The following KIFAP3 variants were observed in gnomAD, a reference collection of about 807,000 sequenced individuals.
KIFAP3 encodes kinesin-associated protein 3.
Under a neutral mutation model 106.5 loss-of-function variants are expected in KIFAP3, and 68 were observed. The ratio of observed to expected loss-of-function variants is 0.64; its 90% CI spans 0.53 to 0.78. KIFAP3 has a LOEUF of 0.78. Among genes scored for constraint, KIFAP3 ranks in the 30% least tolerant of loss-of-function variants. The probability of loss-of-function intolerance (pLI) is 0.00; values close to 1 mark genes in which losing one functional copy is unlikely to be tolerated. For missense variants in KIFAP3, 780 were observed against 941.8 expected, an observed-to-expected ratio of 0.83 and a Z score of 2.25; for synonymous variants, 320 against 311.5, an observed-to-expected ratio of 1.03 and a Z score of -0.29.
chr1:169,979,764 C>G lies in KIFAP3; in HGVS notation c.1799-1581G>C, dbSNP rs1666412996. On this transcript the variant is annotated intron_variant, in intron 15 of 19. Transcript: ENST00000361580. ...AACTCTGTGACCCAGCCATTCTACT[C>G]CTACGTGTGAACCTAATGGAAATGA... 1.3e-5 allele frequency among the ~76,000 whole-genome samples: 2 copies of G among 152,076 alleles called. 1 individual carries two copies. The highest frequency in any genetic ancestry group is 4.1e-4 in the South Asian group (2 of 4,826).
intron 5 of KIFAP3, among the ~76,000 whole-genome samples, chr1:170,036,514 G>T: frequency 6.6e-6 from 1 of 152,000 alleles, no homozygotes; most frequent in East Asian, 1.9e-4. Flanking sequence ...CAGAGAACTT[G>T]AATAGTACAT....
Position 170,074,684 on chromosome 1 carries a change from C to G in KIFAP3, c.-217G>C, listed in dbSNP as rs1437317691. On this transcript the variant is annotated 5_prime_UTR_variant, in exon 1 of 20. Coordinates refer to ENST00000361580, the MANE Select transcript of KIFAP3 (RefSeq NM_014970.4). ...AAACACTGGAGCGGCCCAGACCCGC[C>G]CAGAGTCGCCTAAGCCGGGCCGTCA... The G allele has an allele frequency of 7.1e-7, 1 of 1,416,008 alleles. No homozygotes were observed. Among genetic ancestry groups the G allele is most frequent in the African/African-American group, 1.4e-5 (1 of 69,402 alleles). The allele number at this position is 1,416,008 out of a possible 1,614,324, so 87.7% of individuals were successfully genotyped here. A position where few individuals can be genotyped will look rare whatever the true frequency, so the allele number is the denominator to read the frequency against.
At chr1:169,970,140 A>G (rs996913669) in intron 17 of KIFAP3, among the ~76,000 whole-genome samples, 6 of 152,036 alleles carry the variant, frequency 3.9e-5, no homozygotes, top group African/African-American at 9.7e-5. Context: ...GAAAAAGGCA[A>G]TGGTCAACTG....
At chr1:170,082,354 T>C (rs1400486029) in intron 1 of KIFAP3, among the ~76,000 whole-genome samples, 1 of 152,154 alleles carries the variant, frequency 6.6e-6, no homozygotes, top group Admixed American at 6.5e-5. Flanking sequence ...TAAGAAACTC[T>C]TGAATAGAAA....
At chr1:169,983,189 G>T in intron 13 of KIFAP3, 81 bp downstream of exon 13, 1 of 782,770 alleles carries the variant, frequency 1.3e-6, no homozygotes, top group African/African-American at 1.8e-5. Context: ...TATTTGACGA[G>T]ACCTCAGTAA....
chr1:169,940,911 ATGTGTGTGTGTGTGTGTGTGTGTGTGTG>A (rs3838394), intron 19 of KIFAP3, among the ~76,000 whole-genome samples: 1 of 148,024 alleles, frequency 6.8e-6, no homozygotes, highest in Non-Finnish European at 1.5e-5. Context: ...TTTAAGAATT[ATGTGTGTGTGTGTGTGTGTGTGTGTGTG>A]TGTGTGTGTG....
chr1:169,936,919 C>G (rs1663838328), intron 19 of KIFAP3, among the ~76,000 whole-genome samples: 1 of 148,742 alleles, frequency 6.7e-6, no homozygotes, highest in Non-Finnish European at 1.5e-5. Context: ...GAATAAACAT[C>G]TTAAACATCT....
chr1:169,971,081 C>A (rs965853511), intron 17 of KIFAP3, among the ~76,000 whole-genome samples: 3 of 151,936 alleles, frequency 2.0e-5, no homozygotes, highest in Non-Finnish European at 4.4e-5. Context: ...TAGATGAAGG[C>A]TGAGTTGGCC....
chr1:170,035,592 T>C, intron 5 of KIFAP3, 39 bp from the exon 6 acceptor site: 1 of 1,300,656 alleles, frequency 7.7e-7, no homozygotes, highest in South Asian at 1.3e-5. Context: ...ATCATTCTCC[T>C]TGCTCTGGTA....
Position 170,074,590 on chromosome 1 carries a change from G to C in KIFAP3, c.-123C>G, listed in dbSNP as rs985631940. 500 of 1,556,202 alleles carry C rather than the reference G, an allele frequency of 3.2e-4. No homozygotes were observed. The highest frequency in any genetic ancestry group is 4.0e-4 in the Non-Finnish European group (458 of 1,149,662). On this transcript the variant is annotated 5_prime_UTR_variant, in exon 1 of 20. Transcript: ENST00000361580. Reference sequence around the variant, plus strand: ...CGATGACAGTCCTGAGGCCTGCAAGGCGGGGCAGCAGCGGCGCTGTGGTTA... The same window carrying C: ...CGATGACAGTCCTGAGGCCTGCAAGCCGGGGCAGCAGCGGCGCTGTGGTTA...
At chr1:170,070,757 T>C (rs1671669204) in intron 1 of KIFAP3, among the ~76,000 whole-genome samples, 2 of 152,190 alleles carry the variant, frequency 1.3e-5, no homozygotes, top group Admixed American at 6.5e-5. Flanking sequence ...ACCTTGGATT[T>C]AGCAGTGGTT....
intron 18 of KIFAP3, among the ~76,000 whole-genome samples, chr1:169,957,683 A>C (rs1558195213): frequency 6.6e-6 from 1 of 151,650 alleles, no homozygotes; most frequent in Non-Finnish European, 1.5e-5. Flanking sequence ...GCTGGTGTGC[A>C]GTGGTGTGAT....
intron 12 of KIFAP3, among the ~76,000 whole-genome samples, 164 bp from the exon 13 acceptor site, chr1:169,983,546 C>G (rs1385120046): frequency 6.6e-6 from 1 of 151,896 alleles, no homozygotes; most frequent in Non-Finnish European, 1.5e-5. Flanking sequence ...TATCAACATA[C>G]AGAGTATTTT....
In KIFAP3 at chr1:170,024,401, A is replaced by T; in HGVS notation, c.1020+17T>A. On this transcript the variant is annotated intron_variant, in intron 9 of 19. Coordinates refer to ENST00000361580, the MANE Select transcript of KIFAP3 (RefSeq NM_014970.4). Reference sequence around the variant, plus strand: ...TGGCAAAAATGAACTATTTCAAGAAAAAGCTTTGTAAGTTACCATATCATT... The same window carrying T: ...TGGCAAAAATGAACTATTTCAAGAATAAGCTTTGTAAGTTACCATATCATT... The T allele has an allele frequency of 6.7e-7, 1 of 1,489,826 alleles. No individual in the cohort carries two copies. 92.3% of individuals were successfully genotyped at this position (1,489,826 alleles called of 1,614,324 possible).
Position 169,967,799 on chromosome 1 carries a change from C to T in KIFAP3, c.1983+4714G>A, listed in dbSNP as rs564082283. Among the ~76,000 whole-genome samples, 9 of 151,694 alleles carry T rather than the reference C, an allele frequency of 5.9e-5. 1 individual carries two copies. In the South Asian group the frequency reaches 1.9e-3, roughly 32 times the overall value. ...TAACAAGCAATTCTTAAATGAAAAC[C>T]CAATGTCAAAAAATTTTAATCAACA... On this transcript the variant is annotated intron_variant, in intron 17 of 19. Coordinates refer to ENST00000361580, the MANE Select transcript of KIFAP3 (RefSeq NM_014970.4).
intron 7 of KIFAP3, among the ~76,000 whole-genome samples, chr1:170,032,926 C>T (rs779400762): frequency 6.6e-6 from 1 of 151,706 alleles, no homozygotes; most frequent in Non-Finnish European, 1.5e-5. Context: ...TACAGAAATA[C>T]AATATGTCCT....
chr1:169,997,866 C>CAA (rs11297528), intron 10 of KIFAP3, among the ~76,000 whole-genome samples: 2 of 74,102 alleles, frequency 2.7e-5, no homozygotes, highest in African/African-American at 5.6e-5. Context: ...TGAGACGTCT[C>CAA]AAAAAAAAAA....
Position 169,961,108 on chromosome 1 carries a change from C to A in KIFAP3, c.2111G>T (p.Arg704Leu), listed in dbSNP as rs768269543. The stretch of plus-strand genomic sequence containing the variant: ...TCCTTCATGAATGTATGGCTCAATT[C>A]GATCATCACCATACAAGTACTGCTC... ...ESEQYLYGDDRIEPYIHEGDI... is the reference protein window; with the variant it reads ...ESEQYLYGDDLIEPYIHEGDI... The change falls in exon 18 of 20, where the codon CGA becomes CTA. Residue 704 changes from arginine to leucine, a missense_variant. Arg to Leu is a moderately radical substitution (Grantham distance 102). This residue lies in a region of KIFAP3 where 114 missense variants were observed against 122.3 expected (regional missense o/e 0.93). Transcript: ENST00000361580. 1.9e-6 allele frequency: 3 copies of A among 1,613,508 alleles called. No individual in the cohort carries two copies. Among genetic ancestry groups the A allele is most frequent in the South Asian group, 1.1e-5 (1 of 91,028 alleles).
chr1:169,934,715 C>T (rs1663689382), intron 19 of KIFAP3, among the ~76,000 whole-genome samples: 1 of 152,092 alleles, frequency 6.6e-6, no homozygotes, highest in African/African-American at 2.4e-5. Flanking sequence ...AGATGGAATG[C>T]ACCATACATT....
Sources: gnomAD v4.1 joint callset for allele counts (sites outside exome capture counted in the v4.1 genomes callset) on GRCh38, gnomAD v4.1.1 for gene constraint, gnomAD v4.1.1 regional missense constraint, MANE v1.5 for transcripts, NCBI Gene and HGNC (gene_info 2026-07-23, HGNC 2026-07-21) for gene names.